The following GRIP2 variants were observed in gnomAD, a reference collection of about 807,000 sequenced individuals.
GRIP2 encodes glutamate receptor-interacting protein 2.
A neutral mutation model predicts 108.3 loss-of-function variants in GRIP2; 58 were observed. That is an observed-to-expected ratio of 0.54 (90% CI 0.43 to 0.67). The LOEUF (loss-of-function observed/expected upper bound fraction) is 0.67, where lower values mean the gene tolerates loss of function less well. GRIP2 is among the 30% of genes least tolerant of loss of function. The pLI is 0.00. For missense variants in GRIP2, 1,278 were observed against 1,430.6 expected, an observed-to-expected ratio of 0.89 and a Z score of 1.72; for synonymous variants, 586 against 598.2, an observed-to-expected ratio of 0.98 and a Z score of 0.30.
intron 21 of GRIP2, among the ~76,000 whole-genome samples, chr3:14,500,775 A>G (rs1161747944): frequency 6.6e-6 from 1 of 152,220 alleles, no homozygotes; most frequent in Non-Finnish European, 1.5e-5. Context: ...TCAGAAAAAA[A>G]GGGGTATGCA....
the GRIP2 span, among the ~76,000 whole-genome samples, chr3:14,571,058 C>T: frequency 1.3e-5 from 2 of 152,166 alleles, no homozygotes; most frequent in African/African-American, 4.8e-5. Flanking sequence ...TACCCTCTCC[C>T]CACTTGTGAC....
chr3:14,523,075 C>T lies in GRIP2; in HGVS notation c.491G>A (p.Gly164Glu). The T allele has an allele frequency of 6.2e-7, 1 of 1,601,048 alleles. No homozygotes were observed. Among genetic ancestry groups the T allele is most frequent in the Non-Finnish European group, 8.5e-7 (1 of 1,171,546 alleles). The change falls in exon 6 of 24, where the codon GGA (glycine) becomes GAA (glutamate). Residue 164 changes from glycine (G) to glutamate (E), a missense_variant and splice_region_variant. Gly to Glu is a moderately conservative substitution (Grantham distance 98, BLOSUM62 -2). Transcript: ENST00000621039. ...CTTGTGCCCATCTTCATGGGCACCT[C>T]CTGGACAGGATTTGACAAGAAGCAG... ...EGNSFGFVLR[G>E]GAHEDGHKSR... is the part of the protein sequence containing the mutation.
At chr3:14,574,762 G>T in the GRIP2 span, 1 of 395,886 alleles carries the variant, frequency 2.5e-6, no homozygotes, top group Non-Finnish European at 4.8e-6. Flanking sequence ...GCGGCTGCAT[G>T]GAAGCTCATC....
chr3:14,573,106 C>A, the GRIP2 span: 10 of 1,424,980 alleles, frequency 7.0e-6, no homozygotes, highest in East Asian at 2.1e-4. Context: ...GAAATGTGGG[C>A]AAAGTTGTCG....
the GRIP2 span, among the ~76,000 whole-genome samples, chr3:14,594,494 G>A: frequency 2.0e-5 from 3 of 152,208 alleles, no homozygotes; most frequent in Non-Finnish European, 4.4e-5. Flanking sequence ...CCTTGCCTGA[G>A]GCCTGTCTGG....
intron 1 of GRIP2, among the ~76,000 whole-genome samples, chr3:14,532,147 C>CA (rs1694724003): frequency 6.6e-6 from 1 of 152,228 alleles, no homozygotes. Context: ...ACCTCACACC[C>CA]ATGGAAAGTG....
At chr3:14,568,319 C>A in the GRIP2 span, among the ~76,000 whole-genome samples, 1 of 152,230 alleles carries the variant, frequency 6.6e-6, no homozygotes, top group Non-Finnish European at 1.5e-5. Context: ...GGGACGTGGA[C>A]CAGGTCCGTA....
At chr3:14,579,988 C>T in the GRIP2 span, among the ~76,000 whole-genome samples, 1 of 152,214 alleles carries the variant, frequency 6.6e-6, no homozygotes. Context: ...GTAACAGGTT[C>T]CCTGTGTGGC....
At chr3:14,556,149 G>T, upstream of GRIP2, 2 of 395,650 alleles carry the variant, frequency 5.1e-6, no homozygotes, top group Non-Finnish European at 8.9e-6. Context: ...GTGGCGGCAA[G>T]GCCCTTCCTC....
the GRIP2 span, among the ~76,000 whole-genome samples, chr3:14,597,852 A>G: frequency 6.6e-6 from 1 of 152,222 alleles, no homozygotes; most frequent in Non-Finnish European, 1.5e-5. Flanking sequence ...AATGACTTCC[A>G]CCATTCAAAG....
Position 14,523,032 on chromosome 3 carries a change from C to A in GRIP2, c.534G>T (p.Leu178=). 1 of 1,613,518 alleles carries A rather than the reference C, an allele frequency of 6.2e-7. No homozygotes were observed. The highest frequency in any genetic ancestry group is 1.1e-5 in the South Asian group (1 of 91,020). ...CAGGGCCACCGGGCCGCACGTAGGT[C>A]AGGACAAGCGGGCGGGACTTGTGCC... ...EDGHKSRPLV[L]TYVRPGGPAD... The change falls in exon 6 of 24, where the codon CTG becomes CTT. Residue 178 remains leucine, a synonymous_variant. Coordinates refer to ENST00000621039, the MANE Select transcript of GRIP2 (RefSeq NM_001080423.4).
Position 14,493,629 on chromosome 3 carries a change from G to A in GRIP2, c.*36C>T. ...CGTGTCTGGGAGCCAGGATCTGCCT[G>A]GGTGGCCCCTTAGGAGTTCGGCCCA... On this transcript the variant is annotated 3_prime_UTR_variant, in exon 24 of 24. Transcript: ENST00000621039. The A allele has an allele frequency of 3.3e-6, 5 of 1,535,100 alleles. No homozygotes were observed. Among genetic ancestry groups the A allele is most frequent in the African/African-American group, 2.7e-5 (2 of 73,556 alleles).
At chr3:14,499,915 GT>G (rs1693722384) in intron 21 of GRIP2, among the ~76,000 whole-genome samples, 2 of 152,264 alleles carry the variant, frequency 1.3e-5, no homozygotes, top group Non-Finnish European at 2.9e-5. Context: ...ATCTCATAAT[GT>G]TTTAAGAAAG....
chr3:14,554,641 C>A (rs537565354), intron 1 of GRIP2, among the ~76,000 whole-genome samples: 36 of 152,210 alleles, frequency 2.4e-4, no homozygotes, highest in African/African-American at 8.4e-4. Context: ...CTCTGCTGCC[C>A]CACGGACACC....
Position 14,494,951 on chromosome 3 carries a change from AC to A in GRIP2, c.2861del (p.Gly954ValfsTer64). ...CCAGGAGGCCATCTGAGACGCTGAA[AC>A]CAAAGTCATGCCGCATGGGGTCCTT... is the stretch of plus-strand genomic sequence containing the variant. ...LHKDPMRHDFGFSVSDGLLEK... is the reference protein window; with the variant it reads ...LHKDPMRHDFXFSVSDGLLEK... On this transcript the variant is annotated frameshift_variant, in exon 23 of 24. Transcript: ENST00000621039. LOFTEE classifies it high-confidence loss of function. The A allele has an allele frequency of 6.2e-7, 1 of 1,613,924 alleles. No individual in the cohort carries two copies. Among genetic ancestry groups the A allele is most frequent in the South Asian group, 1.1e-5 (1 of 91,078 alleles).
chr3:14,522,135 A>G lies in GRIP2; in HGVS notation c.567-348T>C, dbSNP rs962535242. The G allele has an allele frequency of 8.1e-6, 2 of 245,956 alleles. No individual in the cohort carries two copies. The allele number at this position is 245,956 out of a possible 1,614,324, so 15.2% of individuals were successfully genotyped here. The stretch of plus-strand genomic sequence containing the variant: ...CCCCCAACTCCTGCCTCAGGGACAA[A>G]GGACAGCACCAGGGCCCAGAGAGGG... On this transcript the variant is annotated intron_variant, in intron 6 of 23. Coordinates refer to ENST00000621039, the MANE Select transcript of GRIP2 (RefSeq NM_001080423.4). The surrounding 1 kb of genome is among the most constrained non-coding windows in gnomAD (Gnocchi z 4.3).
rs111727563 is a variant in GRIP2 at position 14,555,163 on chromosome 3, C to G, written c.55+737G>C. Among the ~76,000 whole-genome samples the G allele has an allele frequency of 2.9e-3, 449 of 152,240 alleles. 2 individuals carry two copies. The highest frequency in any genetic ancestry group is 0.01 in the African/African-American group (429 of 41,532). Reference sequence around the variant, plus strand: ...TGAGCATGTGTCCAGGGATGGCACCCGGCACAGGCTGGGGCTCAGCACAGA... The same window carrying G: ...TGAGCATGTGTCCAGGGATGGCACCGGGCACAGGCTGGGGCTCAGCACAGA... On this transcript the variant is annotated intron_variant, in intron 1 of 23. Transcript: ENST00000637182.
At chr3:14,574,717 T>G in the GRIP2 span, 1 of 553,930 alleles carries the variant, frequency 1.8e-6, no homozygotes, top group African/African-American at 1.9e-5. Context: ...CAGCGCAAGG[T>G]GCCATCCCTA....
chr3:14,525,456 G>T lies in GRIP2; in HGVS notation c.238C>A (p.Pro80Thr). ...DGKPRVSNLR[P>T]GGLAARSDLL... ...TCTCACCTGGCTGCAAGTCCCCCAG[G>T]TCTCAGGTTGGAGACCCTGGGCTTT... The change falls in exon 3 of 24, where the codon CCT (proline) becomes ACT (threonine). Residue 80 changes from proline (P) to threonine (T), a missense_variant. Physicochemically the swap from Pro to Thr is conservative, Grantham distance 38. Transcript: ENST00000621039. The T allele has an allele frequency of 6.2e-7, 1 of 1,612,618 alleles. No homozygotes were observed. The highest frequency in any genetic ancestry group is 1.3e-5 in the African/African-American group (1 of 74,928).
Sources: allele counts gnomAD v4.1 joint callset (sites outside exome capture counted in the v4.1 genomes callset), GRCh38; gene constraint gnomAD v4.1.1; non-coding constraint Gnocchi (gnomAD v3.1); transcripts MANE v1.5; gene names NCBI Gene and HGNC (gene_info 2026-07-23, HGNC 2026-07-21).